The following TRERF1 variants were observed in gnomAD, a reference collection of about 807,000 sequenced individuals.
TRERF1 encodes transcriptional regulating factor 1, also known as transcriptional-regulating factor 1.
A neutral mutation model predicts 122.9 loss-of-function variants in TRERF1; 27 were observed. The ratio of observed to expected loss-of-function variants is 0.22; its 90% confidence interval spans 0.16 to 0.30. TRERF1 has a LOEUF of 0.30. Ranked by LOEUF, TRERF1 falls within the 10% of genes least tolerant of loss-of-function variation. The pLI is 1.00. For synonymous variants in TRERF1, 636 were observed against 641.7 expected (o/e 0.99, Z 0.13); for missense variants, 1,248 against 1,560.3 (o/e 0.80, Z 3.37).
In TRERF1 at chr6:42,274,365, G is replaced by GA. The variant is rs568363586; in HGVS notation, c.-258-4518dup. Among the ~76,000 whole-genome samples the GA allele has an allele frequency of 5.0e-3, 759 of 152,288 alleles. 3 individuals carry two copies. The highest frequency in any genetic ancestry group is 0.011 in the South Asian group (55 of 4,830). ...CTAGAACAGTGCCTCGCTAATGGTA[G>GA]AAAATCAAGCCTCATTTGTTCAATG... On this transcript the variant is annotated intron_variant, in intron 4 of 17. Coordinates refer to ENST00000372922, the Ensembl canonical transcript of TRERF1.
At chr6:42,346,335 T>C (rs531236875) in intron 3 of TRERF1, among the ~76,000 whole-genome samples, 2 of 152,318 alleles carry the variant, frequency 1.3e-5, no homozygotes, top group African/African-American at 4.8e-5. Context: ...GCACCACGTG[T>C]GCACAAACAG....
chr6:42,315,795 C>T (rs530299642), intron 3 of TRERF1, among the ~76,000 whole-genome samples: 1 of 144,986 alleles, frequency 6.9e-6, no homozygotes, highest in African/African-American at 2.6e-5. Context: ...GTGTGGAAGG[C>T]ACAGGTTGGG....
intron 2 of TRERF1, among the ~76,000 whole-genome samples, chr6:42,409,065 A>G (rs768395823): frequency 3.3e-5 from 5 of 152,148 alleles, no homozygotes; most frequent in Admixed American, 6.5e-5. Flanking sequence ...AAGCAGGAAG[A>G]TAATTGAGCC....
At chr6:42,226,113 T>C (rs1051430024) in exon 18 of TRERF1, 1 of 152,246 alleles carries the variant, frequency 6.6e-6, no homozygotes, top group African/African-American at 2.4e-5. Context: ...ATTTGAACTG[T>C]CTCGTTAAGG....
chr6:42,338,976 G>C (rs1766728041), intron 3 of TRERF1, among the ~76,000 whole-genome samples: 1 of 152,160 alleles, frequency 6.6e-6, no homozygotes, highest in African/African-American at 2.4e-5. Flanking sequence ...CTCCACTAGA[G>C]AGGCTGGAAA....
chr6:42,360,771 TAAAAAA>T (rs55924002), intron 3 of TRERF1, among the ~76,000 whole-genome samples: 3 of 36,418 alleles, frequency 8.2e-5, no homozygotes, highest in South Asian at 1.7e-3. Flanking sequence ...GTGGAGAGAT[TAAAAAA>T]AAAAAAAAAA....
intron 17 of TRERF1, among the ~76,000 whole-genome samples, chr6:42,230,313 A>G (rs1272565497): frequency 6.6e-6 from 1 of 152,208 alleles, no homozygotes; most frequent in Admixed American, 6.5e-5. Flanking sequence ...CCATGAAATC[A>G]TAACTGGATT....
chr6:42,226,952 G>C (rs1304952950), exon 18 of TRERF1: 1 of 152,254 alleles, frequency 6.6e-6, no homozygotes, highest in African/African-American at 2.4e-5. Flanking sequence ...CTCTGTACTG[G>C]CGCTGTGTCC....
At chr6:42,394,910 G>A (rs1778324271) in intron 2 of TRERF1, among the ~76,000 whole-genome samples, 1 of 152,166 alleles carries the variant, frequency 6.6e-6, no homozygotes, top group Non-Finnish European at 1.5e-5. Context: ...AAAGCACCAA[G>A]CCAATCTTCT....
In TRERF1 at chr6:42,393,489, G is replaced by A. The variant is rs560413788; in HGVS notation, c.-453-30410C>T. ...AGAACAGAGATTCAGGAGAGGTACA[G>A]CACTTAAGCAGATGGTGAATTCCCT... On this transcript the variant is annotated intron_variant, in intron 2 of 17. Coordinates refer to ENST00000372922, the Ensembl canonical transcript of TRERF1. This position sits in a 1 kb window ranked among gnomAD's most constrained non-coding sequence, Gnocchi z 4.1. 5.9e-5 allele frequency among the ~76,000 whole-genome samples: 9 copies of A among 152,326 alleles called. No homozygotes were observed. In the South Asian group the frequency reaches 1.9e-3, roughly 32 times the overall value.
chr6:42,236,207 C>T (rs749004523), exon 16 of TRERF1: 5 of 1,577,344 alleles, frequency 3.2e-6, no homozygotes, highest in South Asian at 1.2e-5. Context: ...ACACTTACAG[C>T]CCCACAGTTG....
intron 4 of TRERF1, among the ~76,000 whole-genome samples, chr6:42,282,915 T>C (rs1021398430): frequency 5.9e-5 from 9 of 152,242 alleles, no homozygotes; most frequent in African/African-American, 2.2e-4. Context: ...TATATGTGTC[T>C]GCTTAAAGGA....
intron 2 of TRERF1, among the ~76,000 whole-genome samples, chr6:42,405,069 G>T (rs1264038656): frequency 6.6e-6 from 1 of 152,106 alleles, no homozygotes; most frequent in Non-Finnish European, 1.5e-5. Flanking sequence ...CAGAACTCTG[G>T]GTATTATTTA....
At chr6:42,436,018 T>G in intron 2 of TRERF1, among the ~76,000 whole-genome samples, 1 of 151,896 alleles carries the variant, frequency 6.6e-6, no homozygotes, top group East Asian at 1.9e-4. Context: ...TGGGACCCAG[T>G]GCCCCGTACA....
chr6:42,269,321 C>T lies in TRERF1; in HGVS notation c.270G>A (p.Gly90=). The T allele has an allele frequency of 6.2e-7, 1 of 1,614,156 alleles. No homozygotes were observed. Among genetic ancestry groups the T allele is most frequent in the South Asian group, 1.1e-5 (1 of 91,084 alleles). Residue 90 remains glycine, a synonymous_variant, in exon 5 of 18, where the codon GGG becomes GGA. Transcript: ENST00000372922. The surrounding 1 kb of genome is among the most constrained non-coding windows in gnomAD (Gnocchi z 4.9). ...CACGTAGCTGGACATGGTTTCCAGG[C>T]CCTGCATGACTTCCCCACCCTCCCT...
rs768343270 is a variant in TRERF1, at chr6:42,268,767, T to C, written c.824A>G (p.Gln275Arg). The C allele has an allele frequency of 1.2e-6, 2 of 1,614,088 alleles. No homozygotes were observed. The highest frequency in any genetic ancestry group is 1.1e-5 in the South Asian group (1 of 91,092). ...GATACGCTGTTGCCCGGCTTGCTGC[T>C]GTTGCTGCGGTGGGTAATACTGGTG... Residue 275 changes from glutamine (Q) to arginine (R), a missense_variant, in exon 5 of 18, where the codon CAG (glutamine) becomes CGG (arginine). Transcript: ENST00000372922. This position sits in a 1 kb window ranked among gnomAD's most constrained non-coding sequence, Gnocchi z 4.4.
chr6:42,313,854 T>A (rs12527133), intron 3 of TRERF1, among the ~76,000 whole-genome samples: 1 of 152,142 alleles, frequency 6.6e-6, no homozygotes, highest in Non-Finnish European at 1.5e-5. Flanking sequence ...GGGGAGGTGC[T>A]GCAGACTCAC....
chr6:42,319,743 A>G (rs1313409869), intron 3 of TRERF1, among the ~76,000 whole-genome samples: 2 of 148,702 alleles, frequency 1.3e-5, no homozygotes, highest in Non-Finnish European at 3.0e-5. Context: ...GGATTGCTTG[A>G]GCCTGGGAGG....
chr6:42,336,750 G>C (rs1182422094), intron 3 of TRERF1, among the ~76,000 whole-genome samples: 1 of 152,208 alleles, frequency 6.6e-6, no homozygotes, highest in Non-Finnish European at 1.5e-5. Flanking sequence ...GGACTGGAGA[G>C]TCAGCAGCCT....
Sources: gnomAD v4.1 joint callset for allele counts (sites outside exome capture counted in the v4.1 genomes callset) on GRCh38, gnomAD v4.1.1 for gene constraint, Gnocchi (gnomAD v3.1) non-coding constraint, MANE v1.5 for transcripts, NCBI Gene and HGNC (gene_info 2026-07-23, HGNC 2026-07-21) for gene names.